HCN4: variants seen among roughly 807,000 people sequenced by gnomAD.
The protein encoded by HCN4 is potassium/sodium hyperpolarization-activated cyclic nucleotide-gated channel 4.
In HCN4, 29 loss-of-function variants were observed where a neutral mutation model predicts 76.9. The observed-to-expected ratio is 0.38, with a 90% CI of 0.28 to 0.51. HCN4 has a LOEUF of 0.51. Among genes scored for constraint, HCN4 ranks in the 20% least tolerant of loss-of-function variants. HCN4 has a pLI of 0.90. For missense variants in HCN4, 1,416 were observed against 1,715.2 expected, an observed-to-expected ratio of 0.83 and a Z score of 3.08; for synonymous variants, 772 against 762.5, an observed-to-expected ratio of 1.01 and a Z score of -0.21.
chr15:73,326,067 A>T (rs1177637357), intron 4 of HCN4, among the ~76,000 whole-genome samples: 1 of 152,222 alleles, frequency 6.6e-6, no homozygotes, highest in Non-Finnish European at 1.5e-5. Flanking sequence ...AAGATTTGTG[A>T]GCCTCAGACC....
At chr15:73,356,929 C>T (rs1443153413) in intron 1 of HCN4, among the ~76,000 whole-genome samples, 1 of 152,160 alleles carries the variant, frequency 6.6e-6, no homozygotes, top group African/African-American at 2.4e-5. Flanking sequence ...TGGGGAGCCA[C>T]CGTAGGACTA....
chr15:73,339,236 G>A (rs2042984151), intron 2 of HCN4, among the ~76,000 whole-genome samples: 1 of 152,234 alleles, frequency 6.6e-6, no homozygotes, highest in Non-Finnish European at 1.5e-5. Context: ...AGGCTCGGGA[G>A]GGAGTCTGCT....
At chr15:73,324,305 G>A (rs1262575867) in intron 6 of HCN4, 52 bp from the exon 7 acceptor site, 6 of 1,589,842 alleles carry the variant, frequency 3.8e-6, no homozygotes, top group Non-Finnish European at 5.1e-6. Context: ...GCCCAGGCCA[G>A]GGGGACTGCC....
In HCN4 at chr15:73,323,575, C is replaced by T. The variant is rs761507884; in HGVS notation, c.2518G>A (p.Ala840Thr). Residue 840 changes from alanine (A) to threonine (T), a missense_variant, in exon 8 of 8, where the codon GCC (alanine) becomes ACC (threonine). By Grantham distance (58) the Ala-to-Thr change is moderately conservative. This residue lies in a region of HCN4 where 633 missense variants were observed against 579.8 expected (regional missense o/e 1.09). Coordinates refer to ENST00000261917, the MANE Select transcript of HCN4 (RefSeq NM_005477.3). ...QSLIPSALGSASPASSPSQVD... is the reference protein window; with the variant it reads ...QSLIPSALGSTSPASSPSQVD... ...TGGGACGGGCTGCTGGCGGGCGAGG[C>T]GGAGCCCAGCGCAGAAGGGATCAGG... is the stretch of plus-strand genomic sequence containing the variant. 26 of 1,600,584 alleles carry T rather than the reference C, an allele frequency of 1.6e-5. No homozygotes were observed. Among genetic ancestry groups the T allele is most frequent in the Admixed American group, 3.3e-5 (2 of 59,984 alleles).
rs1304475779 is a variant in HCN4 at position 73,322,348 on chromosome 15, C to G, written c.*133G>C. Reference sequence around the variant, plus strand: ...AGAATACCTGGTTATTTTCTGCTGTCTTTTGTTTTTCTGGTGTGTGTGGTT... The same window carrying G: ...AGAATACCTGGTTATTTTCTGCTGTGTTTTGTTTTTCTGGTGTGTGTGGTT... On this transcript the variant is annotated 3_prime_UTR_variant, in exon 8 of 8. Coordinates refer to ENST00000261917, the MANE Select transcript of HCN4 (RefSeq NM_005477.3). The G allele has an allele frequency of 2.5e-6, 2 of 802,284 alleles. No homozygotes were observed. The highest frequency in any genetic ancestry group is 2.1e-6 in the Non-Finnish European group (1 of 485,488). 49.7% of individuals were successfully genotyped at this position (802,284 alleles called of 1,614,324 possible). A position where few individuals can be genotyped will look rare whatever the true frequency, so the allele number is the denominator to read the frequency against.
intron 1 of HCN4, among the ~76,000 whole-genome samples, chr15:73,364,962 G>A (rs1338027695): frequency 6.6e-6 from 1 of 152,210 alleles, no homozygotes; most frequent in African/African-American, 2.4e-5. Context: ...CAGTTCTGCT[G>A]GATCAATGCT....
At chr15:73,354,320 C>T (rs1040621847) in intron 1 of HCN4, among the ~76,000 whole-genome samples, 1 of 152,210 alleles carries the variant, frequency 6.6e-6, no homozygotes, top group Non-Finnish European at 1.5e-5. Flanking sequence ...TCAGCCTCTC[C>T]CCAAGAAGGT....
rs778371120 is a variant in HCN4, at chr15:73,343,826, G to C, written c.786-18C>G. On this transcript the variant is annotated intron_variant, in intron 1 of 7. Transcript: ENST00000261917. This position sits in a 1 kb window ranked among gnomAD's most constrained non-coding sequence, Gnocchi z 5.7. Reference sequence around the variant, plus strand: ...AGTAAAATCTGCCCAGAGACACAGGGGTCAGTCGCCAGGAAGAGAGAGAGG... The same window carrying C: ...AGTAAAATCTGCCCAGAGACACAGGCGTCAGTCGCCAGGAAGAGAGAGAGG... 1 of 1,613,134 alleles carries C rather than the reference G, an allele frequency of 6.2e-7. No individual in the cohort carries two copies. The highest frequency in any genetic ancestry group is 1.3e-5 in the African/African-American group (1 of 74,874).
intron 3 of HCN4, 63 bp downstream of exon 3, chr15:73,332,068 G>A (rs998709865): frequency 8.4e-6 from 13 of 1,541,608 alleles, no homozygotes; most frequent in African/African-American, 1.4e-5. Context: ...TCCACATCTC[G>A]CCACCCTACC....
chr15:73,367,599 G>A lies in HCN4; in HGVS notation c.672C>T (p.Pro224=), dbSNP rs1397357546. 2 of 1,613,644 alleles carry A rather than the reference G, an allele frequency of 1.2e-6. No individual in the cohort carries two copies. Among genetic ancestry groups the A allele is most frequent in the Non-Finnish European group, 1.7e-6 (2 of 1,179,982 alleles). The change falls in exon 1 of 8, where the codon CCC becomes CCT. Residue 224 remains proline (P), a synonymous_variant. Coordinates refer to ENST00000261917, the MANE Select transcript of HCN4 (RefSeq NM_005477.3). This position sits in a 1 kb window ranked among gnomAD's most constrained non-coding sequence, Gnocchi z 7.5. The part of the protein sequence containing the change: ...MQRQFGAMLQ[P]GVNKFSLRMF... ...TCCTTAGGGAGAATTTGTTGACCCC[G>A]GGTTGGAGCATGGCCCCGAACTGGC...
At position 73,343,299 on chromosome 15, in the gene HCN4, T is replaced by C; in HGVS notation, c.1209+86A>G. ...GCCTGCCACAATCTGACAGCCTATG[T>C]TCAATTATCTGAGGTTCCCTGCCAG... On this transcript the variant is annotated intron_variant, in intron 2 of 7. Coordinates refer to ENST00000261917, the MANE Select transcript of HCN4 (RefSeq NM_005477.3). The surrounding 1 kb of genome is among the most constrained non-coding windows in gnomAD (Gnocchi z 5.7). 1 of 1,336,348 alleles carries C rather than the reference T, an allele frequency of 7.5e-7. No individual in the cohort carries two copies. The highest frequency in any genetic ancestry group is 1.1e-6 in the Non-Finnish European group (1 of 945,340). The allele number at this position is 1,336,348 out of a possible 1,614,324, so 82.8% of individuals were successfully genotyped here.
At chr15:73,326,251 G>C (rs2042898557) in intron 4 of HCN4, among the ~76,000 whole-genome samples, 1 of 152,162 alleles carries the variant, frequency 6.6e-6, no homozygotes, top group Non-Finnish European at 1.5e-5. Flanking sequence ...AGTAGAGGAA[G>C]TCCCTATCAC....
Position 73,329,804 on chromosome 15 carries a change from G to A in HCN4, c.1372-13C>T, listed in dbSNP as rs374981035. ...CCCAGGAGTTGTTCTGTGGACAGAC[G>A]GATGGGTGGGGACAGTGGATGAGAG... On this transcript the variant is annotated splice_polypyrimidine_tract_variant and intron_variant, in intron 3 of 7. Coordinates refer to ENST00000261917, the MANE Select transcript of HCN4 (RefSeq NM_005477.3). 76 of 1,604,010 alleles carry A rather than the reference G, an allele frequency of 4.7e-5. No individual in the cohort carries two copies. In the African/African-American group the frequency reaches 6.1e-4, roughly 13 times the overall value.
At chr15:73,356,046 C>T (rs879637702) in intron 1 of HCN4, among the ~76,000 whole-genome samples, 1 of 152,194 alleles carries the variant, frequency 6.6e-6, no homozygotes, top group Non-Finnish European at 1.5e-5. Flanking sequence ...TGGAGTAGCA[C>T]GGGAGCACAC....
At chr15:73,348,816 T>C (rs189879239) in intron 1 of HCN4, among the ~76,000 whole-genome samples, 9 of 152,262 alleles carry the variant, frequency 5.9e-5, no homozygotes, top group Non-Finnish European at 1.2e-4. Context: ...CTCTCCAACT[T>C]TGCAGACAGC....
At chr15:73,329,848 G>A (rs1252389114) in intron 3 of HCN4, 57 bp from the exon 4 acceptor site, 5 of 1,414,286 alleles carry the variant, frequency 3.5e-6, no homozygotes, top group Admixed American at 3.4e-5. Flanking sequence ...CTTCTCACTA[G>A]CAAGAAAAGG....
chr15:73,341,007 T>G (rs1229991648), intron 2 of HCN4: 1 of 151,754 alleles, frequency 6.6e-6, no homozygotes, highest in Admixed American at 6.6e-5. Flanking sequence ...CTGTTTCTCT[T>G]GACAGCTAAG....
At position 73,324,481 on chromosome 15, in the gene HCN4, C is replaced by G. The variant is rs535643543; in HGVS notation, c.1979-228G>C. 2.4e-3 allele frequency among the ~76,000 whole-genome samples: 365 copies of G among 152,356 alleles called. 3 individuals carry two copies. The highest frequency in any genetic ancestry group is 7.5e-3 in the African/African-American group (313 of 41,596). On this transcript the variant is annotated intron_variant, in intron 6 of 7. Transcript: ENST00000261917. ...CTCTGCTCTGGACTGAATGTGTTCC[C>G]CCAAAATTTATATGTTGAACCCCTA...
chr15:73,335,058 AAAG>A (rs1232503380), intron 2 of HCN4, among the ~76,000 whole-genome samples: 4 of 152,172 alleles, frequency 2.6e-5, no homozygotes, highest in Non-Finnish European at 2.9e-5. Context: ...CAGAAAAAAA[AAAG>A]GCCTTACCAG....
Sources: allele counts gnomAD v4.1 joint callset (sites outside exome capture counted in the v4.1 genomes callset), GRCh38; gene constraint gnomAD v4.1.1; regional missense constraint gnomAD v4.1.1; non-coding constraint Gnocchi (gnomAD v3.1); transcripts MANE v1.5; gene names NCBI Gene and HGNC (gene_info 2026-07-23, HGNC 2026-07-21).